CDK13: variants seen among roughly 807,000 people sequenced by gnomAD.
The protein encoded by CDK13 is cyclin dependent kinase 13, also known as cyclin-dependent kinase 13.
In CDK13, 40 loss-of-function variants were observed where a neutral mutation model predicts 137.6. That is an observed-to-expected ratio of 0.29 (90% CI 0.23 to 0.38). CDK13 has a LOEUF of 0.38. CDK13 is among the 10% of genes least tolerant of loss of function. CDK13 has a pLI of 1.00. For missense variants in CDK13, 1,704 were observed against 1,951.8 expected, an observed-to-expected ratio of 0.87 and a Z score of 2.39; for synonymous variants, 869 against 760.1, an observed-to-expected ratio of 1.14 and a Z score of -2.36.
At chr7:39,967,313 G>A (rs753512254) in intron 1 of CDK13, among the ~76,000 whole-genome samples, 7 of 152,076 alleles carry the variant, frequency 4.6e-5, no homozygotes, top group Non-Finnish European at 8.8e-5. Flanking sequence ...TGTAGTTCCA[G>A]ATACTTGTGA....
At chr7:40,015,852 G>GA (rs1284067595) in intron 5 of CDK13, among the ~76,000 whole-genome samples, 2 of 151,988 alleles carry the variant, frequency 1.3e-5, no homozygotes, top group African/African-American at 4.8e-5. Context: ...CCACCAGAAA[G>GA]AAAAAAACGA....
intron 1 of CDK13, among the ~76,000 whole-genome samples, chr7:39,968,703 A>T (rs528391910): frequency 6.6e-6 from 1 of 152,172 alleles, no homozygotes; most frequent in African/African-American, 2.4e-5. Context: ...GGATTAACAT[A>T]GCTTTGGAAT....
chr7:40,079,147 G>A (rs753678135), intron 11 of CDK13, among the ~76,000 whole-genome samples: 16 of 152,094 alleles, frequency 1.1e-4, no homozygotes, highest in South Asian at 2.1e-4. Flanking sequence ...GCTGCCGGGC[G>A]CGGTGGCTCA....
intron 11 of CDK13, among the ~76,000 whole-genome samples, chr7:40,084,848 G>A (rs1248568733): frequency 6.6e-6 from 1 of 152,208 alleles, no homozygotes; most frequent in Non-Finnish European, 1.5e-5. Flanking sequence ...CAAGGAAAAT[G>A]AGGCACAGAG....
At chr7:40,018,059 C>T (rs995039394) in intron 5 of CDK13, among the ~76,000 whole-genome samples, 2 of 151,308 alleles carry the variant, frequency 1.3e-5, no homozygotes, top group Non-Finnish European at 2.9e-5. Flanking sequence ...GGATAAAGAT[C>T]GCCTTCTCTT....
At chr7:39,953,099 AAAT>A (rs766450407) in intron 1 of CDK13, among the ~76,000 whole-genome samples, 1 of 152,212 alleles carries the variant, frequency 6.6e-6, no homozygotes, top group Non-Finnish European at 1.5e-5. Context: ...TGCATCTGCA[AAAT>A]TAGCAGACCT....
At chr7:40,012,694 C>T (rs1423548771) in intron 5 of CDK13, among the ~76,000 whole-genome samples, 1 of 152,038 alleles carries the variant, frequency 6.6e-6, no homozygotes, top group African/African-American at 2.4e-5. Context: ...GTGGGCGGAT[C>T]ACCTGAGGTC....
chr7:39,965,897 G>T (rs959939145), intron 1 of CDK13, among the ~76,000 whole-genome samples: 7 of 152,202 alleles, frequency 4.6e-5, no homozygotes, highest in African/African-American at 1.7e-4. Flanking sequence ...GGCTGGATAT[G>T]AAATTCTGGG....
intron 12 of CDK13, 112 bp downstream of exon 12, chr7:40,088,443 T>C (rs1022298140): frequency 1.2e-6 from 1 of 818,816 alleles, no homozygotes; most frequent in South Asian, 1.8e-5. Context: ...TTAACATTTA[T>C]TCACTGAACT....
At chr7:40,081,732 C>T (rs1038960836) in intron 11 of CDK13, among the ~76,000 whole-genome samples, 1 of 152,118 alleles carries the variant, frequency 6.6e-6, no homozygotes, top group Admixed American at 6.5e-5. Context: ...GTTGCCTCAG[C>T]CTCCTGAGTA....
chr7:40,010,394 A>G (rs919937476), intron 5 of CDK13, among the ~76,000 whole-genome samples: 1 of 152,194 alleles, frequency 6.6e-6, no homozygotes, highest in Admixed American at 6.5e-5. Flanking sequence ...CTGTAAATAC[A>G]GATGGAGGAC....
intron 9 of CDK13, chr7:40,072,281 C>T (rs1224923328): frequency 6.6e-6 from 1 of 152,248 alleles, no homozygotes; most frequent in Non-Finnish European, 1.5e-5. Context: ...TGCGCACCAC[C>T]ACACCCGGCT....
chr7:40,015,035 T>C (rs1784975861), intron 5 of CDK13, among the ~76,000 whole-genome samples: 1 of 152,180 alleles, frequency 6.6e-6, no homozygotes, highest in Non-Finnish European at 1.5e-5. Flanking sequence ...ATCAAATAAT[T>C]AGTAGAAGAT....
Position 40,096,090 on chromosome 7 carries a change from T to C in CDK13, c.*1110T>C, listed in dbSNP as rs917887498. On this transcript the variant is annotated 3_prime_UTR_variant, in exon 14 of 14. Coordinates refer to ENST00000181839, the MANE Select transcript of CDK13 (RefSeq NM_003718.5). Reference sequence around the variant, plus strand: ...GAGGGTCATGGTATAGAAGCAAGAGTTAATAACAGAACTTGCCTAAATGTG... The same window carrying C: ...GAGGGTCATGGTATAGAAGCAAGAGCTAATAACAGAACTTGCCTAAATGTG... 1 of 152,168 alleles carries C rather than the reference T, an allele frequency of 6.6e-6. No homozygotes were observed. Among genetic ancestry groups the C allele is most frequent in the Non-Finnish European group, 1.5e-5 (1 of 68,026 alleles). 9.4% of individuals were successfully genotyped at this position (152,168 alleles called of 1,614,324 possible).
intron 7 of CDK13, chr7:40,049,336 A>C (rs1272732457): frequency 6.6e-6 from 1 of 151,548 alleles, no homozygotes; most frequent in Non-Finnish European, 1.5e-5. Flanking sequence ...CACCAGAGTT[A>C]CTTGGTTTTT....
intron 4 of CDK13, among the ~76,000 whole-genome samples, chr7:40,000,820 A>T (rs1450959109): frequency 1.3e-5 from 2 of 151,936 alleles, no homozygotes; most frequent in Non-Finnish European, 2.9e-5. Context: ...TTGTAAGAAC[A>T]TTTTTTTTCT....
At chr7:39,958,216 C>T (rs777768053) in intron 1 of CDK13, among the ~76,000 whole-genome samples, 10 of 152,138 alleles carry the variant, frequency 6.6e-5, no homozygotes, top group Admixed American at 2.0e-4. Context: ...ATGATCTACA[C>T]GCCTCCCTGC....
intron 7 of CDK13, among the ~76,000 whole-genome samples, chr7:40,054,091 C>T (rs1785956408): frequency 6.6e-6 from 1 of 152,106 alleles, no homozygotes; most frequent in Non-Finnish European, 1.5e-5. Flanking sequence ...ACTCTAGGGG[C>T]CTCTCAAGTC....
In CDK13 at chr7:40,093,032, T is replaced by C. The variant is rs200853742; in HGVS notation, c.3483T>C (p.Pro1161=). ...CGAAACCGTTGGGAGGAATTCAGCC[T>C]TCTTCTCAGACCATCCAGCCTAAAG... ...ESSKPLGGIQ[P]SSQTIQPKVE... The change falls in exon 13 of 14, where the codon CCT becomes CCC. Residue 1161 remains proline, a synonymous_variant. Transcript: ENST00000181839. 1.2e-6 allele frequency: 2 copies of C among 1,614,072 alleles called. No individual in the cohort carries two copies. Among genetic ancestry groups the C allele is most frequent in the Non-Finnish European group, 1.7e-6 (2 of 1,180,036 alleles).
Sources: gnomAD v4.1 joint callset for allele counts (sites outside exome capture counted in the v4.1 genomes callset) on GRCh38, gnomAD v4.1.1 for gene constraint, MANE v1.5 for transcripts, NCBI Gene and HGNC (gene_info 2026-07-23, HGNC 2026-07-21) for gene names.